ZNF292: variants seen among roughly 807,000 people sequenced by gnomAD.
ZNF292 encodes zinc finger protein 292, also known as 16 zinc-finger domain protein.
In ZNF292, 26 loss-of-function variants were observed where a neutral mutation model predicts 217.9. The ratio of observed to expected loss-of-function variants is 0.12; its 90% CI spans 0.09 to 0.17. ZNF292 has a LOEUF of 0.17. Among genes scored for constraint, ZNF292 ranks in the 10% least tolerant of loss-of-function variants. The pLI is 1.00. For synonymous variants in ZNF292, 1,257 were observed against 1,124.1 expected (o/e 1.12, Z -2.37); for missense variants, 2,904 against 3,175.2 (o/e 0.91, Z 2.05).
At chr6:87,190,497 G>A (rs1436688954) in intron 1 of ZNF292, among the ~76,000 whole-genome samples, 3 of 151,458 alleles carry the variant, frequency 2.0e-5, no homozygotes, top group Admixed American at 6.6e-5. Flanking sequence ...TTTTTGAGAC[G>A]GAGTCTTGCT....
intron 1 of ZNF292, among the ~76,000 whole-genome samples, chr6:87,156,722 G>A (rs976366740): frequency 1.3e-5 from 2 of 152,222 alleles, no homozygotes; most frequent in African/African-American, 4.8e-5. Context: ...ACCAGTGACT[G>A]CATTCTAACC....
intron 1 of ZNF292, among the ~76,000 whole-genome samples, chr6:87,180,162 A>T (rs977348992): frequency 6.6e-6 from 1 of 152,264 alleles, no homozygotes; most frequent in Non-Finnish European, 1.5e-5. Flanking sequence ...AAACAAAACA[A>T]AACAAAAAAA....
At chr6:87,216,421 T>A in intron 3 of ZNF292, 44 bp downstream of exon 3, 1 of 1,394,712 alleles carries the variant, frequency 7.2e-7, no homozygotes, top group Non-Finnish European at 9.8e-7. Context: ...ATATCTTATG[T>A]CAGTTTTCCT....
At chr6:87,181,354 T>C (rs1771468448) in intron 1 of ZNF292, among the ~76,000 whole-genome samples, 1 of 152,150 alleles carries the variant, frequency 6.6e-6, no homozygotes, top group African/African-American at 2.4e-5. Context: ...GCCAAACTCC[T>C]CTCAATATTC....
intron 1 of ZNF292, among the ~76,000 whole-genome samples, chr6:87,165,757 C>CTTTTTTTT (rs71014998): frequency 7.6e-6 from 1 of 131,274 alleles, no homozygotes; most frequent in African/African-American, 2.8e-5. Flanking sequence ...GTTTACATTT[C>CTTTTTTTT]TTTTTTTTTT....
chr6:87,238,083 A>G (rs1773987730), intron 5 of ZNF292, among the ~76,000 whole-genome samples: 1 of 152,216 alleles, frequency 6.6e-6, no homozygotes, highest in African/African-American at 2.4e-5. Context: ...TAGTATGCCT[A>G]TGAGAAATGA....
At position 87,261,377 on chromosome 6, in the gene ZNF292, G is replaced by T. The variant is rs767704231; in HGVS notation, c.7748G>T (p.Trp2583Leu). The change falls in exon 8 of 8, where the codon TGG becomes TTG. Residue 2583 changes from tryptophan (W) to leucine (L), a missense_variant. By Grantham distance (61) the Trp-to-Leu change is moderately conservative. Around this residue, in one of 15 missense-constraint regions of ZNF292, gnomAD observed 380 missense variants for 355.3 expected, o/e 1.07. Transcript: ENST00000369577. ...GAGGAGCATCCTGCATCTTTTGACTGGAGCTCTTTTAAGCCAATGGGATTT... is the reference window on the plus strand; with the variant it reads ...GAGGAGCATCCTGCATCTTTTGACTTGAGCTCTTTTAAGCCAATGGGATTT... ...TIEEHPASFD[W>L]SSFKPMGFEV... is the part of the protein sequence containing the mutation. 3.1e-6 allele frequency: 5 copies of T among 1,612,994 alleles called. No homozygotes were observed. Among genetic ancestry groups the T allele is most frequent in the Non-Finnish European group, 4.2e-6 (5 of 1,179,484 alleles).
At chr6:87,160,227 G>C (rs1166781244) in intron 1 of ZNF292, among the ~76,000 whole-genome samples, 6 of 152,206 alleles carry the variant, frequency 3.9e-5, no homozygotes, top group Non-Finnish European at 7.3e-5. Flanking sequence ...TTATTTGGGA[G>C]TTTTAAAAGA....
In ZNF292 at chr6:87,261,369, T is replaced by G; in HGVS notation, c.7740T>G (p.Ser2580=). The G allele has an allele frequency of 6.2e-7, 1 of 1,613,210 alleles. No homozygotes were observed. Among genetic ancestry groups the G allele is most frequent in the Non-Finnish European group, 8.5e-7 (1 of 1,179,572 alleles). Residue 2580 remains serine, a synonymous_variant, in exon 8 of 8, where the codon TCT becomes TCG. Transcript: ENST00000369577. ...AAACCATTGAGGAGCATCCTGCATC[T>G]TTTGACTGGAGCTCTTTTAAGCCAA... is the stretch of plus-strand genomic sequence containing the variant. The part of the protein sequence containing the change: ...AIQTIEEHPA[S]FDWSSFKPMG...
chr6:87,215,707 C>G (rs955653451), intron 1 of ZNF292, among the ~76,000 whole-genome samples, 196 bp from the exon 2 acceptor site: 1 of 152,058 alleles, frequency 6.6e-6, no homozygotes, highest in Non-Finnish European at 1.5e-5. Context: ...TAATACTAAT[C>G]TTTTCTCCTA....
chr6:87,155,908 T>A, intron 1 of ZNF292, 149 bp downstream of exon 1: 27 of 964,308 alleles, frequency 2.8e-5, no homozygotes, highest in Non-Finnish European at 3.7e-5. Flanking sequence ...GGAAGGCGCC[T>A]TTGTGTGGCT....
At chr6:87,250,454 G>C (rs1168745346) in intron 7 of ZNF292, among the ~76,000 whole-genome samples, 1 of 151,648 alleles carries the variant, frequency 6.6e-6, no homozygotes, top group South Asian at 2.1e-4. Flanking sequence ...TCTCAAAAAA[G>C]AAAAGGAAAA....
chr6:87,254,665 C>G lies in ZNF292; in HGVS notation c.1036C>G (p.Leu346Val). 1 of 1,605,806 alleles carries G rather than the reference C, an allele frequency of 6.2e-7. No individual in the cohort carries two copies. The highest frequency in any genetic ancestry group is 1.1e-5 in the South Asian group (1 of 90,598). ...VINSETEGAG[L>V]ATCIELCVKA... Reference sequence around the variant, plus strand: ...TTTTTCACAGACTGAAGGGGCTGGACTTGCTACCTGTATAGAACTGTGTGT... The same window carrying G: ...TTTTTCACAGACTGAAGGGGCTGGAGTTGCTACCTGTATAGAACTGTGTGT... Residue 346 changes from leucine to valine, a missense_variant, in exon 8 of 8, where the codon CTT becomes GTT. Physicochemically the swap from Leu to Val is conservative, Grantham distance 32. Transcript: ENST00000369577.
intron 7 of ZNF292, among the ~76,000 whole-genome samples, chr6:87,253,529 C>G (rs528407934): frequency 1.3e-5 from 2 of 152,070 alleles, no homozygotes; most frequent in Non-Finnish European, 2.9e-5. Flanking sequence ...CGCACCCAGC[C>G]TAACCTATCA....
In ZNF292 at chr6:87,255,948, G is replaced by C; in HGVS notation, c.2319G>C (p.Glu773Asp). 2 of 1,612,926 alleles carry C rather than the reference G, an allele frequency of 1.2e-6. No homozygotes were observed. The highest frequency in any genetic ancestry group is 1.7e-6 in the Non-Finnish European group (2 of 1,179,410). Reference protein sequence around the residue: ...SYAELLTHRKEHQVFRAKCMF... With the variant: ...SYAELLTHRKDHQVFRAKCMF... ...CCGAGCTTTTAACCCACCGAAAGGA[G>C]CATCAAGTCTTTAGAGCAAAATGTA... The change falls in exon 8 of 8, where the codon GAG (glutamate) becomes GAC (aspartate). Residue 773 changes from glutamate (E) to aspartate (D), a missense_variant. By Grantham distance (45) the Glu-to-Asp change is conservative. Transcript: ENST00000369577.
chr6:87,258,007 A>G lies in ZNF292; in HGVS notation c.4378A>G (p.Asn1460Asp). Residue 1460 changes from asparagine to aspartate, a missense_variant, in exon 8 of 8, where the codon AAT becomes GAT. Asn to Asp is a conservative substitution (Grantham distance 23, BLOSUM62 1). Transcript: ENST00000369577. ...DPSFLQLLAE[N>D]RSPAFLPNTF... ...ATCATTTCTACAGCTTCTTGCTGAA[A>G]ATCGCTCGCCAGCATTTTTACCAAA... 5 of 1,613,898 alleles carry G rather than the reference A, an allele frequency of 3.1e-6. No individual in the cohort carries two copies. The Middle Eastern group carries it at 6.6e-4, about 213-fold the overall frequency.
chr6:87,239,418 C>T lies in ZNF292; in HGVS notation c.742-4057C>T, dbSNP rs375220665. ...GGCTGGCCCCCACCTCCCTCCCAGACGGGGTGGCTGGCCGGGCGGGGGCTG... is the reference window on the plus strand; with the variant it reads ...GGCTGGCCCCCACCTCCCTCCCAGATGGGGTGGCTGGCCGGGCGGGGGCTG... On this transcript the variant is annotated intron_variant, in intron 5 of 7. Coordinates refer to ENST00000369577, the MANE Select transcript of ZNF292 (RefSeq NM_015021.3). Among the ~76,000 whole-genome samples, 102 of 116,992 alleles carry T rather than the reference C, an allele frequency of 8.7e-4. 2 individuals carry two copies. The East Asian group carries it at 0.015, about 17-fold the overall frequency. The allele number at this position is 116,992 out of a possible 152,430, so 76.8% of individuals were successfully genotyped here.
intron 1 of ZNF292, among the ~76,000 whole-genome samples, chr6:87,159,509 TTTTTTTTA>T (rs969808653): frequency 3.5e-5 from 5 of 144,412 alleles, no homozygotes; most frequent in Non-Finnish European, 7.5e-5. Flanking sequence ...TTTTTTTTTT[TTTTTTTTA>T]AAAAAGATGT....
intron 1 of ZNF292, among the ~76,000 whole-genome samples, chr6:87,197,504 G>A (rs1036671570): frequency 7.3e-5 from 11 of 150,994 alleles, no homozygotes; most frequent in Non-Finnish European, 1.5e-4. Context: ...GGAGGCCAAG[G>A]CGGGTGGATT....
Sources: gnomAD v4.1 joint callset for allele counts (sites outside exome capture counted in the v4.1 genomes callset) on GRCh38, gnomAD v4.1.1 for gene constraint, gnomAD v4.1.1 regional missense constraint, MANE v1.5 for transcripts, NCBI Gene and HGNC (gene_info 2026-07-23, HGNC 2026-07-21) for gene names.